ENTREP2: variants seen among roughly 807,000 people sequenced by gnomAD.
ENTREP2 encodes endosomal transmembrane epsin interactor 2.
At chr15:29,312,965 A>T in the ENTREP2 span, among the ~76,000 whole-genome samples, 1 of 152,234 alleles carries the variant, frequency 6.6e-6, no homozygotes, top group Non-Finnish European at 1.5e-5. Flanking sequence ...GAAGGAAATT[A>T]AAAGTGCTAC....
chr15:29,613,769 T>C, the ENTREP2 span: 20 of 164,220 alleles, frequency 1.2e-4, no homozygotes, highest in Non-Finnish European at 2.0e-4. Flanking sequence ...AATTCGGACC[T>C]CTGCAAGCTA....
the ENTREP2 span, among the ~76,000 whole-genome samples, chr15:29,390,298 T>C: frequency 6.6e-6 from 1 of 152,178 alleles, no homozygotes. Context: ...GCCATGAAAT[T>C]ACCGCATCAT....
chr15:29,478,902 A>C, the ENTREP2 span, among the ~76,000 whole-genome samples: 1 of 147,828 alleles, frequency 6.8e-6, no homozygotes, highest in South Asian at 2.2e-4. Context: ...TAATAATAAA[A>C]GTGTGTGGCA....
chr15:29,317,711 G>A, the ENTREP2 span, among the ~76,000 whole-genome samples: 8,969 of 152,184 alleles, frequency 0.059, 845 homozygotes, highest in African/African-American at 0.2. Flanking sequence ...AGCAAAAAGT[G>A]CTGCTACAGG....
At chr15:29,391,689 G>T in the ENTREP2 span, among the ~76,000 whole-genome samples, 1 of 152,020 alleles carries the variant, frequency 6.6e-6, no homozygotes, top group South Asian at 2.1e-4. Flanking sequence ...CTGACATTAG[G>T]GTAGCTGCTG....
At chr15:29,474,164 A>G in the ENTREP2 span, among the ~76,000 whole-genome samples, 1 of 152,146 alleles carries the variant, frequency 6.6e-6, no homozygotes, top group Non-Finnish European at 1.5e-5. Context: ...CCATCCTGCT[A>G]CCTCACTGAA....
At chr15:29,141,285 A>C in the ENTREP2 span, among the ~76,000 whole-genome samples, 1 of 152,190 alleles carries the variant, frequency 6.6e-6, no homozygotes, top group African/African-American at 2.4e-5. Flanking sequence ...CTGGGCACTG[A>C]GGGCCCACAG....
the ENTREP2 span, among the ~76,000 whole-genome samples, chr15:29,179,717 A>G: frequency 3.3e-5 from 5 of 151,062 alleles, no homozygotes; most frequent in African/African-American, 1.2e-4. Flanking sequence ...AGTAGCTGGG[A>G]CTACAGGCGC....
chr15:29,276,698 T>C, the ENTREP2 span, among the ~76,000 whole-genome samples: 1 of 152,250 alleles, frequency 6.6e-6, no homozygotes, highest in Non-Finnish European at 1.5e-5. Flanking sequence ...CCCTGGATGC[T>C]GAGTTCAAGA....
At chr15:29,286,448 C>T in the ENTREP2 span, among the ~76,000 whole-genome samples, 3 of 152,190 alleles carry the variant, frequency 2.0e-5, no homozygotes, top group Non-Finnish European at 4.4e-5. Context: ...AATCTCCCCC[C>T]TACATGCCCT....
chr15:29,312,724 C>A, the ENTREP2 span, among the ~76,000 whole-genome samples: 2 of 152,106 alleles, frequency 1.3e-5, no homozygotes, highest in Non-Finnish European at 2.9e-5. Context: ...GCTGGCCGTT[C>A]CCCTGCCTAT....
the ENTREP2 span, among the ~76,000 whole-genome samples, chr15:29,419,806 A>T: frequency 2.6e-5 from 4 of 152,220 alleles, no homozygotes; most frequent in African/African-American, 9.6e-5. Flanking sequence ...AGTAGCTGCC[A>T]ACCTAGAATT....
the ENTREP2 span, among the ~76,000 whole-genome samples, chr15:29,579,039 A>G: frequency 1.3e-5 from 2 of 152,200 alleles, no homozygotes; most frequent in African/African-American, 4.8e-5. Flanking sequence ...ACAAACTTAT[A>G]CATGAAAGAG....
the ENTREP2 span, among the ~76,000 whole-genome samples, chr15:29,654,109 T>G: frequency 6.6e-6 from 1 of 152,150 alleles, no homozygotes; most frequent in African/African-American, 2.4e-5. Context: ...TCTTAAATAT[T>G]AGACCCATCC....
At chr15:29,630,181 T>A in the ENTREP2 span, among the ~76,000 whole-genome samples, 1 of 152,134 alleles carries the variant, frequency 6.6e-6, no homozygotes, top group East Asian at 1.9e-4. Flanking sequence ...ACAAATTCTA[T>A]TCCTTTGTCT....
chr15:29,435,837 T>G, the ENTREP2 span, among the ~76,000 whole-genome samples: 1 of 152,194 alleles, frequency 6.6e-6, no homozygotes, highest in East Asian at 1.9e-4. Context: ...CCTGGAGTTT[T>G]CGGTTTTAGT....
chr15:29,299,099 A>G, the ENTREP2 span, among the ~76,000 whole-genome samples: 1 of 152,260 alleles, frequency 6.6e-6, no homozygotes, highest in Non-Finnish European at 1.5e-5. Flanking sequence ...TGGTCTATCC[A>G]TAACAGGTTG....
the ENTREP2 span, among the ~76,000 whole-genome samples, chr15:29,235,775 C>A: frequency 8.5e-5 from 13 of 152,210 alleles, no homozygotes; most frequent in East Asian, 2.5e-3. Context: ...ACCAGCATGG[C>A]CAAGATGGTG....
chr15:29,384,108 G>C, the ENTREP2 span, among the ~76,000 whole-genome samples: 2 of 152,064 alleles, frequency 1.3e-5, no homozygotes, highest in Non-Finnish European at 2.9e-5. Context: ...GAACCCAGTG[G>C]GCACACCATG....
Sources: allele counts gnomAD v4.1 joint callset (sites outside exome capture counted in the v4.1 genomes callset), GRCh38; gene constraint gnomAD v4.1.1; transcripts MANE v1.5; gene names NCBI Gene and HGNC (gene_info 2026-07-23, HGNC 2026-07-21).